Variants in KNG1 observed in about 807,000 individuals in gnomAD.
KNG1 encodes the protein kininogen-1.
In KNG1, 23 loss-of-function variants were observed where a neutral mutation model predicts 47.8. That is an observed-to-expected ratio of 0.48 (90% CI 0.35 to 0.68). KNG1 has a LOEUF of 0.68. Among genes scored for constraint, KNG1 ranks in the 30% least tolerant of loss-of-function variants. The pLI, the probability that KNG1 is intolerant of heterozygous loss-of-function variation, is 0.01. For synonymous variants in KNG1, 277 were observed against 277.0 expected (o/e 1.00, Z 0.00); for missense variants, 762 against 790.2 (o/e 0.96, Z 0.43).
At chr3:186,739,642 A>G (rs576799157) in intron 9 of KNG1, among the ~76,000 whole-genome samples, 52 of 152,334 alleles carry the variant, frequency 3.4e-4, no homozygotes, top group African/African-American at 1.2e-3. Flanking sequence ...AAGCTTCTAT[A>G]GACTCTCTCC....
Position 186,743,730 on chromosome 3 carries a change from AG to A in KNG1, c.*1402del. ...AGTCACCTAAGGTCCTGCGAGTACA[AG>A]GGTCGACCCCCAAAGGCAGGGGCAG... On this transcript the variant is annotated 3_prime_UTR_variant, in exon 10 of 10. Transcript: ENST00000644859. The A allele has an allele frequency of 6.2e-7, 1 of 1,614,088 alleles. No homozygotes were observed. Among genetic ancestry groups the A allele is most frequent in the Non-Finnish European group, 8.5e-7 (1 of 1,179,938 alleles).
intron 4 of KNG1, among the ~76,000 whole-genome samples, chr3:186,725,605 C>T (rs1015498040): frequency 1.8e-4 from 24 of 134,432 alleles, no homozygotes; most frequent in African/African-American, 6.3e-4. Flanking sequence ...AGTGCAGTGG[C>T]GCGATCTCGG....
Position 186,717,539 on chromosome 3 carries a change from G to C in KNG1, c.-4G>C. 6.2e-7 allele frequency: 1 copy of C among 1,605,498 alleles called. No homozygotes were observed. The highest frequency in any genetic ancestry group is 8.5e-7 in the Non-Finnish European group (1 of 1,173,400). On this transcript the variant is annotated 5_prime_UTR_variant, in exon 1 of 10. Coordinates refer to ENST00000644859, the MANE Select transcript of KNG1 (RefSeq NM_001102416.3). ...CTCAGCTCCTAGAGGGAGATTGTTAGATCATGAAACTAATTACCATCCTTT... is the reference window on the plus strand; with the variant it reads ...CTCAGCTCCTAGAGGGAGATTGTTACATCATGAAACTAATTACCATCCTTT...
Position 186,743,530 on chromosome 3 carries a change from G to C in KNG1, c.*1199G>C, listed in dbSNP as rs1413603894. 5 of 619,836 alleles carry C rather than the reference G, an allele frequency of 8.1e-6. No homozygotes were observed. The highest frequency in any genetic ancestry group is 1.2e-5 in the Non-Finnish European group (4 of 345,484). The allele number at this position is 619,836 out of a possible 1,614,324, so 38.4% of individuals were successfully genotyped here. A position where few individuals can be genotyped will look rare whatever the true frequency, so the allele number is the denominator to read the frequency against. On this transcript the variant is annotated 3_prime_UTR_variant, in exon 10 of 10. Transcript: ENST00000644859. Reference sequence around the variant, plus strand: ...GATGTATATGTCACTGCTGCTTCAAGTTATTGGATGCATTTGAACCTCTGA... The same window carrying C: ...GATGTATATGTCACTGCTGCTTCAACTTATTGGATGCATTTGAACCTCTGA...
intron 3 of KNG1, 52 bp from the exon 4 acceptor site, chr3:186,725,036 C>G: frequency 1.3e-6 from 2 of 1,590,260 alleles, no homozygotes; most frequent in Non-Finnish European, 1.7e-6. Flanking sequence ...GCAGTGTATG[C>G]GAATGCTGAT....
In KNG1 at chr3:186,743,602, C is replaced by A; in HGVS notation, c.*1271C>A. The A allele has an allele frequency of 1.2e-6, 1 of 808,518 alleles. No homozygotes were observed. Among genetic ancestry groups the A allele is most frequent in the Non-Finnish European group, 2.1e-6 (1 of 470,610 alleles). 50.1% of individuals were successfully genotyped at this position (808,518 alleles called of 1,614,324 possible). A position where few individuals can be genotyped will look rare whatever the true frequency, so the allele number is the denominator to read the frequency against. On this transcript the variant is annotated 3_prime_UTR_variant, in exon 10 of 10. Transcript: ENST00000644859. ...TTGTCTGTTCTTTTAAATAAACAAC[C>A]ACAGATGTCAGGAAAAAGTCTTACC...
intron 4 of KNG1, among the ~76,000 whole-genome samples, chr3:186,726,498 C>T (rs1332537388): frequency 6.6e-6 from 1 of 150,766 alleles, no homozygotes; most frequent in Non-Finnish European, 1.5e-5. Context: ...CCATGTCGGC[C>T]AGGCTGGTCT....
intron 2 of KNG1, chr3:186,721,355 A>T (rs542324167): frequency 6.6e-6 from 1 of 152,422 alleles, no homozygotes; most frequent in Non-Finnish European, 1.5e-5. Context: ...CTGTGTGGAC[A>T]AAGGGAGGTG....
chr3:186,725,402 G>T, intron 4 of KNG1, 142 bp downstream of exon 4: 1 of 773,308 alleles, frequency 1.3e-6, no homozygotes, highest in Non-Finnish European at 2.2e-6. Flanking sequence ...GTCAAAGTGA[G>T]TCGGATAGTG....
chr3:186,741,549 T>G lies in KNG1; in HGVS notation c.1153T>G (p.Phe385Val), dbSNP rs1306414258. 6.2e-7 allele frequency: 1 copy of G among 1,610,202 alleles called. No individual in the cohort carries two copies. The highest frequency in any genetic ancestry group is 1.3e-5 in the African/African-American group (1 of 74,452). The change falls in exon 10 of 10, where the codon TTT becomes GTT. Residue 385 changes from phenylalanine to valine, a missense_variant. By Grantham distance (50) the Phe-to-Val change is conservative. Coordinates refer to ENST00000644859, the MANE Select transcript of KNG1 (RefSeq NM_001102416.3). ...MISLMKRPPG[F>V]SPFRSSRIGE... ...CTCACTGATGAAAAGGCCTCCAGGT[T>G]TTTCACCTTTCCGATCATCACGAAT... is the stretch of plus-strand genomic sequence containing the variant.
At chr3:186,737,065 C>A (rs1720688803) in intron 7 of KNG1, among the ~76,000 whole-genome samples, 1 of 152,066 alleles carries the variant, frequency 6.6e-6, no homozygotes. Flanking sequence ...AAAAAAGACA[C>A]CAGTTGAGGA....
chr3:186,725,543 A>AGTTTTTTTTTTTTTTT (rs1720336508), intron 4 of KNG1, among the ~76,000 whole-genome samples: 1 of 87,726 alleles, frequency 1.1e-5, no homozygotes, highest in Admixed American at 1.5e-4. Context: ...CGGCCTTAGG[A>AGTTTTTTTTTTTTTTT]TTTTTTTTTT....
In KNG1 at chr3:186,743,912, C is replaced by T. The variant is rs1720878312; in HGVS notation, c.*1581C>T. 4.1e-6 allele frequency: 3 copies of T among 738,024 alleles called. No homozygotes were observed. In the Admixed American group the frequency reaches 6.0e-5, roughly 15 times the overall value. 45.7% of individuals were successfully genotyped at this position (738,024 alleles called of 1,614,324 possible). A position where few individuals can be genotyped will look rare whatever the true frequency, so the allele number is the denominator to read the frequency against. ...AGAAGAATGCCATTTTATCACTCTGCCTCTGGGTGAAATAAAGATCAGTCT... is the reference window on the plus strand; with the variant it reads ...AGAAGAATGCCATTTTATCACTCTGTCTCTGGGTGAAATAAAGATCAGTCT... On this transcript the variant is annotated 3_prime_UTR_variant, in exon 10 of 10. Transcript: ENST00000644859.
At chr3:186,724,004 T>A (rs1720279635) in intron 3 of KNG1, among the ~76,000 whole-genome samples, 1 of 152,200 alleles carries the variant, frequency 6.6e-6, no homozygotes, top group South Asian at 2.1e-4. Context: ...TAAGTTGATT[T>A]CATATCTTTG....
Position 186,725,120 on chromosome 3 carries a change from T to C in KNG1, c.424T>C (p.Cys142Arg), listed in dbSNP as rs889341254. ...CCCTGTGGTGACAGCCCAGTACGAC[T>C]GCCTCGGCTGTGTGCATCCTATATC... Reference protein sequence around the residue: ...EGPVVTAQYDCLGCVHPISTQ... With the variant: ...EGPVVTAQYDRLGCVHPISTQ... The change falls in exon 4 of 10, where the codon TGC becomes CGC. Residue 142 changes from cysteine (C) to arginine (R), a missense_variant. Transcript: ENST00000644859. 1 of 1,614,034 alleles carries C rather than the reference T, an allele frequency of 6.2e-7. No individual in the cohort carries two copies. Among genetic ancestry groups the C allele is most frequent in the African/African-American group, 1.3e-5 (1 of 74,938 alleles).
In KNG1 at chr3:186,741,714, A is replaced by T; in HGVS notation, c.1318A>T (p.Asn440Tyr). The T allele has an allele frequency of 6.2e-7, 1 of 1,614,226 alleles. No homozygotes were observed. Residue 440 changes from asparagine to tyrosine, a missense_variant, in exon 10 of 10, where the codon AAT (asparagine) becomes TAT (tyrosine). Coordinates refer to ENST00000644859, the MANE Select transcript of KNG1 (RefSeq NM_001102416.3). ...DWGHEKQRKHNLGHGHKHERD... is the reference protein window; with the variant it reads ...DWGHEKQRKHYLGHGHKHERD... Reference sequence around the variant, plus strand: ...GGGCCATGAAAAACAAAGAAAACATAATCTTGGCCATGGCCATAAACATGA... The same window carrying T: ...GGGCCATGAAAAACAAAGAAAACATTATCTTGGCCATGGCCATAAACATGA...
At chr3:186,728,333 A>T (rs559588703) in intron 5 of KNG1, 1 of 152,334 alleles carries the variant, frequency 6.6e-6, no homozygotes, top group Non-Finnish European at 1.5e-5. Flanking sequence ...TTATATGGGA[A>T]ATCCAGACCA....
chr3:186,719,708 G>A (rs192868844), intron 1 of KNG1, among the ~76,000 whole-genome samples: 3 of 145,568 alleles, frequency 2.1e-5, no homozygotes, highest in African/African-American at 7.7e-5. Context: ...CAGCCTGGGC[G>A]ACAGAGCGAG....
intron 7 of KNG1, chr3:186,736,518 A>G (rs1443849296): frequency 1.3e-5 from 2 of 152,330 alleles, no homozygotes; most frequent in South Asian, 4.1e-4. Flanking sequence ...ACAGTTTCAT[A>G]TAAGTTTTAT....
Sources: gnomAD v4.1 joint callset for allele counts (sites outside exome capture counted in the v4.1 genomes callset) on GRCh38, gnomAD v4.1.1 for gene constraint, MANE v1.5 for transcripts, NCBI Gene and HGNC (gene_info 2026-07-23, HGNC 2026-07-21) for gene names.